The following PCDH11X variants were observed in gnomAD, a reference collection of about 807,000 sequenced individuals.
The protein encoded by PCDH11X is protocadherin-11 X-linked.
A neutral mutation model predicts 53.3 loss-of-function variants in PCDH11X; 18 were observed. That is an observed-to-expected ratio of 0.34 (90% confidence interval 0.23 to 0.50). The LOEUF is 0.50. PCDH11X is among the 20% of genes least tolerant of loss of function. PCDH11X has a pLI of 0.98. For missense variants in PCDH11X, 570 were observed against 1,032.4 expected, an observed-to-expected ratio of 0.55 and a Z score of 6.14; for synonymous variants, 279 against 393.3, an observed-to-expected ratio of 0.71 and a Z score of 3.44.
At chrX:92,538,782 A>C (rs2148734754) in intron 10 of PCDH11X, among the ~76,000 whole-genome samples, 1 of 103,251 alleles carries the variant, frequency 9.7e-6, no homozygotes, top group East Asian at 3.1e-4. Flanking sequence ...TCATCATTTG[A>C]CCTTTCTACT....
At chrX:92,291,331 GTA>G (rs2068488708) in intron 8 of PCDH11X, among the ~76,000 whole-genome samples, 1 of 79,799 alleles carries the variant, frequency 1.3e-5, no homozygotes, top group Non-Finnish European at 2.3e-5. Context: ...CCTGTATCCT[GTA>G]TATACATTTG....
intron 8 of PCDH11X, among the ~76,000 whole-genome samples, chrX:92,347,077 A>G (rs2069918040): frequency 8.9e-6 from 1 of 111,883 alleles, no homozygotes; most frequent in African/African-American, 3.2e-5. Context: ...AGATATGCTT[A>G]AAATTCTTTT....
At position 92,474,903 on chromosome X, in the gene PCDH11X, C is replaced by T. The variant is rs746876190; in HGVS notation, c.3367+6581C>T. 1.3e-3 allele frequency among the ~76,000 whole-genome samples: 137 copies of T among 109,366 alleles called. 1 individual carries two copies. The highest frequency in any genetic ancestry group is 4.3e-3 in the African/African-American group (130 of 30,096). 95.0% of individuals were successfully genotyped at this position (109,366 alleles called of 115,157 possible). On this transcript the variant is annotated intron_variant, in intron 10 of 10. Coordinates refer to ENST00000682573, the MANE Select transcript of PCDH11X (RefSeq NM_032968.5). The stretch of plus-strand genomic sequence containing the variant: ...TAGTTTGGCCGGGCGCGGTGGCTCA[C>T]GCCTGTAATCCCAGCACTTTGGGAG...
At chrX:91,963,365 G>A in intron 6 of PCDH11X, among the ~76,000 whole-genome samples, 1 of 108,527 alleles carries the variant, frequency 9.2e-6, no homozygotes. Context: ...CAAGTTCAGA[G>A]TTTCACAGAT....
At chrX:92,081,489 C>G (rs1026677264) in intron 6 of PCDH11X, among the ~76,000 whole-genome samples, 7 of 110,298 alleles carry the variant, frequency 6.3e-5, no homozygotes, top group African/African-American at 2.3e-4. Context: ...AATTCATCTC[C>G]TGTTGATCAA....
chrX:91,887,987 G>C (rs1451177165), intron 6 of PCDH11X, among the ~76,000 whole-genome samples: 3 of 111,233 alleles, frequency 2.7e-5, no homozygotes, highest in Non-Finnish European at 5.7e-5. Flanking sequence ...AGTTCCCTTA[G>C]AACAACCTAG....
intron 4 of PCDH11X, among the ~76,000 whole-genome samples, chrX:91,826,860 G>T (rs766542604): frequency 0.016 from 1,523 of 98,060 alleles, 33 homozygotes; most frequent in African/African-American, 0.054. Context: ...TATTCAGTCT[G>T]TTATTGATGG....
intron 4 of PCDH11X, among the ~76,000 whole-genome samples, chrX:91,822,734 C>T (rs1166996165): frequency 1.8e-5 from 2 of 109,962 alleles, no homozygotes; most frequent in African/African-American, 6.6e-5. Flanking sequence ...TGTGTTTGCT[C>T]TTGCTTTTCT....
intron 6 of PCDH11X, among the ~76,000 whole-genome samples, chrX:92,146,833 T>C (rs1433148779): frequency 9.1e-6 from 1 of 110,204 alleles, no homozygotes; most frequent in Admixed American, 9.8e-5. Flanking sequence ...ACCCCATCTC[T>C]AATAAAAATG....
intron 10 of PCDH11X, among the ~76,000 whole-genome samples, chrX:92,555,700 A>G (rs1446559808): frequency 9.0e-6 from 1 of 111,232 alleles, no homozygotes; most frequent in African/African-American, 3.3e-5. Flanking sequence ...TAGCACTTGC[A>G]TTACCATCCC....
At chrX:92,480,253 A>AT (rs1392507103) in intron 10 of PCDH11X, among the ~76,000 whole-genome samples, 1 of 111,486 alleles carries the variant, frequency 9.0e-6, no homozygotes. Flanking sequence ...TTGTTGCGTC[A>AT]TTTTATTATG....
At chrX:92,286,677 A>G (rs1248346139) in intron 8 of PCDH11X, among the ~76,000 whole-genome samples, 1 of 85,939 alleles carries the variant, frequency 1.2e-5, no homozygotes, top group East Asian at 3.7e-4. Flanking sequence ...AATTTTGGAG[A>G]TTATCTCTTC....
At chrX:92,345,402 T>TTTTTA in intron 8 of PCDH11X, among the ~76,000 whole-genome samples, 1 of 109,356 alleles carries the variant, frequency 9.1e-6, no homozygotes, top group Non-Finnish European at 1.9e-5. Flanking sequence ...AAATAATAAA[T>TTTTTA]TTGGAGGGAT....
intron 6 of PCDH11X, among the ~76,000 whole-genome samples, chrX:91,924,515 G>A (rs1294030222): frequency 9.0e-6 from 1 of 111,696 alleles, no homozygotes; most frequent in Non-Finnish European, 1.9e-5. Flanking sequence ...TTGTCACAAC[G>A]GTGATAGGAA....
chrX:92,575,903 G>A (rs1235692697), intron 10 of PCDH11X, among the ~76,000 whole-genome samples: 1 of 52,260 alleles, frequency 1.9e-5, no homozygotes, highest in African/African-American at 7.9e-5. Context: ...GTTACCTGGT[G>A]TGTATATATA....
intron 5 of PCDH11X, among the ~76,000 whole-genome samples, chrX:91,869,871 A>G (rs752306370): frequency 8.9e-5 from 10 of 111,939 alleles, no homozygotes; most frequent in South Asian, 3.7e-4. Context: ...TCAAAGAGCG[A>G]GATAGAGAAT....
chrX:91,998,924 AT>A (rs921026819), intron 6 of PCDH11X, among the ~76,000 whole-genome samples: 3 of 107,151 alleles, frequency 2.8e-5, no homozygotes, highest in Non-Finnish European at 3.8e-5. Flanking sequence ...ATTTTATTTT[AT>A]TTTTTTTGAG....
At chrX:92,215,262 G>A (rs2066673567) in intron 7 of PCDH11X, among the ~76,000 whole-genome samples, 1 of 109,655 alleles carries the variant, frequency 9.1e-6, no homozygotes, top group South Asian at 3.9e-4. Context: ...TGCCTCACTC[G>A]GGAAGCGCAA....
At chrX:92,109,753 G>A (rs1222499994) in intron 6 of PCDH11X, among the ~76,000 whole-genome samples, 1 of 112,072 alleles carries the variant, frequency 8.9e-6, no homozygotes, top group Non-Finnish European at 1.9e-5. Flanking sequence ...GTCTTTTTGG[G>A]AAAGGGCTAT....
Sources: allele counts gnomAD v4.1 joint callset (sites outside exome capture counted in the v4.1 genomes callset), GRCh38; gene constraint gnomAD v4.1.1; transcripts MANE v1.5; gene names NCBI Gene and HGNC (gene_info 2026-07-23, HGNC 2026-07-21).